Variants in KLHL1 observed in about 807,000 individuals in gnomAD.
KLHL1 encodes kelch like family member 1.
KLHL1 carries 47 observed loss-of-function variants against 77.7 expected under a neutral mutation model. That is an observed-to-expected ratio of 0.60 (90% CI 0.48 to 0.77). The LOEUF is 0.77. KLHL1 is among the 30% of genes least tolerant of loss of function. The pLI is 0.00. For missense variants in KLHL1, 925 were observed against 910.8 expected (o/e 1.02, Z -0.20); for synonymous variants, 360 against 325.2 (o/e 1.11, Z -1.15).
rs567833435 is a variant in KLHL1 at position 69,991,599 on chromosome 13, AC to A, written c.498-15798del. Among the ~76,000 whole-genome samples the A allele has an allele frequency of 8.4e-4, 128 of 152,038 alleles. No homozygotes were observed. In the Middle Eastern group the frequency reaches 0.01, roughly 12 times the overall value. The stretch of plus-strand genomic sequence containing the variant: ...GTAGAAAAAATGGATAAATTCCTGG[AC>A]ATATACATTGAATGAATCCCTGAAC... On this transcript the variant is annotated intron_variant, in intron 1 of 10. Transcript: ENST00000377844.
chr13:69,978,713 C>G (rs1475404516), intron 1 of KLHL1, among the ~76,000 whole-genome samples: 4 of 151,964 alleles, frequency 2.6e-5, no homozygotes, highest in Admixed American at 1.3e-4. Flanking sequence ...TCTTGAACTC[C>G]CGAACTCAGG....
chr13:69,788,242 C>T (rs1347058694), intron 7 of KLHL1, among the ~76,000 whole-genome samples: 5 of 152,120 alleles, frequency 3.3e-5, no homozygotes, highest in Non-Finnish European at 7.4e-5. Flanking sequence ...TTCACAATAG[C>T]AAAGACTTGG....
intron 6 of KLHL1, among the ~76,000 whole-genome samples, chr13:69,803,238 TTAC>T (rs1877468912): frequency 1.3e-5 from 2 of 152,180 alleles, no homozygotes; most frequent in South Asian, 4.1e-4. Flanking sequence ...TTTACCTACA[TTAC>T]TACATTTCAT....
At chr13:69,777,511 T>A (rs1366146785) in intron 7 of KLHL1, among the ~76,000 whole-genome samples, 1 of 152,186 alleles carries the variant, frequency 6.6e-6, no homozygotes, top group African/African-American at 2.4e-5. Context: ...TTTAAAATAC[T>A]TTCATGAGAT....
At chr13:69,833,853 A>ATATG (rs1878871239) in intron 6 of KLHL1, among the ~76,000 whole-genome samples, 2 of 141,096 alleles carry the variant, frequency 1.4e-5, no homozygotes, top group Non-Finnish European at 3.0e-5. Context: ...ACACACACAT[A>ATATG]TATACACACA....
intron 4 of KLHL1, among the ~76,000 whole-genome samples, chr13:69,926,946 CAAAAAAA>C (rs71116960): frequency 3.1e-4 from 11 of 36,038 alleles, no homozygotes; most frequent in Admixed American, 2.4e-3. Flanking sequence ...GACTCCATCT[CAAAAAAA>C]AAAAAAAAAA....
chr13:69,926,359 G>T (rs1249928669), intron 4 of KLHL1, among the ~76,000 whole-genome samples: 1 of 152,088 alleles, frequency 6.6e-6, no homozygotes, highest in Admixed American at 6.5e-5. Context: ...ATTATGGGAA[G>T]ACTAATTGCA....
chr13:69,823,252 G>A (rs17085443), intron 6 of KLHL1, among the ~76,000 whole-genome samples: 13,735 of 152,088 alleles, frequency 0.09, 1,244 homozygotes, highest in African/African-American at 0.23. Context: ...AAATGTCTCA[G>A]AGAAATAGGA....
At chr13:69,702,879 G>A (rs60808636) in intron 10 of KLHL1, among the ~76,000 whole-genome samples, 2,384 of 151,720 alleles carry the variant, frequency 0.016, 75 homozygotes, top group African/African-American at 0.054. Context: ...AATTTTTATA[G>A]GTCACCACTC....
chr13:70,050,210 A>G (rs903076222), intron 1 of KLHL1, among the ~76,000 whole-genome samples: 14 of 151,950 alleles, frequency 9.2e-5, no homozygotes, highest in Admixed American at 4.6e-4. Flanking sequence ...TATGTCATCA[A>G]AAGGAAACCT....
chr13:69,796,614 GGTTCA>G lies in KLHL1; in HGVS notation c.1639+119_1639+123del, dbSNP rs113096893. 41 of 726,740 alleles carry G rather than the reference GGTTCA, an allele frequency of 5.6e-5. 4 individuals carry two copies. The highest frequency in any genetic ancestry group is 4.1e-4 in the African/African-American group (23 of 56,342). 45.0% of individuals were successfully genotyped at this position (726,740 alleles called of 1,614,324 possible). A position where few individuals can be genotyped will look rare whatever the true frequency, so the allele number is the denominator to read the frequency against. ...GAAATTTTTCTATGTTAATTACCCAGGTTCAGGTATTCCTTTATCGCAACACAAAT... is the reference window on the plus strand; with the variant it reads ...GAAATTTTTCTATGTTAATTACCCAGGGTATTCCTTTATCGCAACACAAAT... On this transcript the variant is annotated intron_variant, in intron 7 of 10. Transcript: ENST00000377844.
At chr13:70,036,422 T>G (rs554773640) in intron 1 of KLHL1, among the ~76,000 whole-genome samples, 4 of 152,106 alleles carry the variant, frequency 2.6e-5, no homozygotes, top group Admixed American at 6.5e-5. Flanking sequence ...AAATCCCCAT[T>G]TTGTCCCAAA....
intron 4 of KLHL1, chr13:69,894,444 A>T (rs1410934630): frequency 1.2e-5 from 2 of 166,018 alleles, no homozygotes; most frequent in African/African-American, 4.8e-5. Flanking sequence ...AAATCCATCC[A>T]ACTGGTTCAA....
In KLHL1 at chr13:69,990,860, T is replaced by C. The variant is rs1261818700; in HGVS notation, c.498-15058A>G. ...CAGAGATGACAGAATATATACTTTT[T>C]GTTGTCACACGGTACATGCTCTAAA... On this transcript the variant is annotated intron_variant, in intron 1 of 10. Coordinates refer to ENST00000377844, the MANE Select transcript of KLHL1 (RefSeq NM_020866.3). Among the ~76,000 whole-genome samples, 3 of 151,874 alleles carry C rather than the reference T, an allele frequency of 2.0e-5. No individual in the cohort carries two copies. In the Admixed American group the frequency reaches 2.0e-4, roughly 10 times the overall value.
rs544867674 is a variant in KLHL1 at position 69,704,259 on chromosome 13, T to C, written c.2188-2498A>G. 6.8e-4 allele frequency among the ~76,000 whole-genome samples: 103 copies of C among 151,816 alleles called. 1 individual carries two copies. In the South Asian group the frequency reaches 0.017, roughly 26 times the overall value. On this transcript the variant is annotated intron_variant, in intron 10 of 10. Transcript: ENST00000377844. ...GTGAATGACACCCCTCTCCATCCAG[T>C]TGTTCAAGATAGAATCCTTGACCCT...
chr13:69,721,921 A>G (rs1365977701), intron 8 of KLHL1, among the ~76,000 whole-genome samples: 1 of 152,050 alleles, frequency 6.6e-6, no homozygotes, highest in African/African-American at 2.4e-5. Context: ...CCAGAAGTGA[A>G]ATAATCATTC....
chr13:69,708,599 A>G (rs1037120451), intron 9 of KLHL1, among the ~76,000 whole-genome samples: 9 of 152,168 alleles, frequency 5.9e-5, no homozygotes, highest in African/African-American at 1.7e-4. Flanking sequence ...GACTGAACTT[A>G]TTGTTATTAA....
chr13:69,750,622 C>T (rs184293123), intron 7 of KLHL1, among the ~76,000 whole-genome samples: 67 of 151,844 alleles, frequency 4.4e-4, no homozygotes, highest in Non-Finnish European at 9.4e-4. Flanking sequence ...ATTTCTATAT[C>T]TGTGTAAGTA....
At chr13:69,828,162 G>A (rs1416686848) in intron 6 of KLHL1, among the ~76,000 whole-genome samples, 1 of 150,350 alleles carries the variant, frequency 6.7e-6, no homozygotes, top group African/African-American at 2.5e-5. Context: ...CCCTTTGAAA[G>A]AAGTGGCTTG....
Sources: gnomAD v4.1 joint callset for allele counts (sites outside exome capture counted in the v4.1 genomes callset) on GRCh38, gnomAD v4.1.1 for gene constraint, MANE v1.5 for transcripts, NCBI Gene and HGNC (gene_info 2026-07-23, HGNC 2026-07-21) for gene names.